STOX1: variants seen among roughly 807,000 people sequenced by gnomAD.
STOX1 encodes storkhead-box protein 1.
In STOX1, 57 loss-of-function variants were observed where a neutral mutation model predicts 74.8. That is an observed-to-expected ratio of 0.76 (90% confidence interval 0.62 to 0.95). The LOEUF is 0.95. STOX1 is among the 40% of genes least tolerant of loss of function. STOX1 has a pLI of 0.00. For missense variants in STOX1, 1,010 were observed against 1,117.0 expected, an observed-to-expected ratio of 0.90 and a Z score of 1.37; for synonymous variants, 375 against 401.3, an observed-to-expected ratio of 0.93 and a Z score of 0.78.
At chr10:68,846,535 A>G (rs1301617607) in intron 1 of STOX1, among the ~76,000 whole-genome samples, 1 of 152,176 alleles carries the variant, frequency 6.6e-6, no homozygotes, top group African/African-American at 2.4e-5. Flanking sequence ...TCCATTGGAT[A>G]ACCCTGGCTT....
chr10:68,892,344 G>A (rs1042786397), intron 3 of STOX1, among the ~76,000 whole-genome samples: 5 of 151,746 alleles, frequency 3.3e-5, no homozygotes. Flanking sequence ...TACTAGATCT[G>A]AGAAGAGATG....
chr10:68,831,820 CAG>C (rs920058122), intron 1 of STOX1, among the ~76,000 whole-genome samples: 10 of 152,158 alleles, frequency 6.6e-5, no homozygotes, highest in African/African-American at 2.4e-4. Context: ...AGTTCCCAGG[CAG>C]AGAGTATTTC....
chr10:68,853,033 C>T (rs1840028595), intron 1 of STOX1, among the ~76,000 whole-genome samples: 1 of 151,890 alleles, frequency 6.6e-6, no homozygotes. Flanking sequence ...AGCGATTCTC[C>T]TGCCTCAGCC....
At chr10:68,856,379 G>C (rs558776772) in intron 1 of STOX1, among the ~76,000 whole-genome samples, 1 of 151,426 alleles carries the variant, frequency 6.6e-6, no homozygotes, top group Non-Finnish European at 1.5e-5. Flanking sequence ...TGGCGTATGA[G>C]AGCTCTCCTT....
intron 1 of STOX1, among the ~76,000 whole-genome samples, chr10:68,839,637 C>T (rs1014410836): frequency 6.6e-6 from 1 of 152,168 alleles, no homozygotes; most frequent in African/African-American, 2.4e-5. Context: ...CGCCTATAAT[C>T]CCAGCACTTT....
intron 3 of STOX1, among the ~76,000 whole-genome samples, chr10:68,890,049 T>A (rs1841061594): frequency 6.6e-6 from 1 of 151,720 alleles, no homozygotes; most frequent in African/African-American, 2.4e-5. Flanking sequence ...TTGGCCTCCC[T>A]GGTCTCAAGT....
At position 68,886,238 on chromosome 10, in the gene STOX1, A is replaced by G; in HGVS notation, c.2442A>G (p.Glu814=). 2 of 1,614,230 alleles carry G rather than the reference A, an allele frequency of 1.2e-6. No homozygotes were observed. The highest frequency in any genetic ancestry group is 1.1e-5 in the South Asian group (1 of 91,078). Residue 814 remains glutamate (E), a synonymous_variant, in exon 3 of 4, where the codon GAA becomes GAG. Coordinates refer to ENST00000298596, the MANE Select transcript of STOX1 (RefSeq NM_152709.5). The part of the protein sequence containing the change: ...GLHATPGESQ[E]PNLSAESCGL... ...ATGCTACCCCAGGTGAAAGCCAAGA[A>G]CCTAACCTCTCTGCTGAAAGTTGTG...
At chr10:68,872,398 T>G (rs1198703006) in intron 1 of STOX1, among the ~76,000 whole-genome samples, 1 of 143,844 alleles carries the variant, frequency 7.0e-6, no homozygotes, top group African/African-American at 2.7e-5. Flanking sequence ...CAGGCTGGAG[T>G]GCAATGGCAC....
intron 1 of STOX1, among the ~76,000 whole-genome samples, chr10:68,840,653 C>T (rs958612830): frequency 6.6e-6 from 1 of 151,804 alleles, no homozygotes; most frequent in African/African-American, 2.4e-5. Context: ...CTCCACCATC[C>T]TGCTTCAAGC....
intron 1 of STOX1, among the ~76,000 whole-genome samples, chr10:68,864,393 C>T (rs1840350783): frequency 6.6e-6 from 1 of 152,088 alleles, no homozygotes; most frequent in African/African-American, 2.4e-5. Flanking sequence ...AAAATTGAAA[C>T]AGTTTTGTGT....
At chr10:68,878,833 A>C (rs1225477978) in intron 1 of STOX1, among the ~76,000 whole-genome samples, 1 of 152,344 alleles carries the variant, frequency 6.6e-6, no homozygotes, top group South Asian at 2.1e-4. Flanking sequence ...ACTGCAGAGC[A>C]TAATCAAGCT....
intron 1 of STOX1, among the ~76,000 whole-genome samples, chr10:68,858,510 A>G (rs1564577472): frequency 6.6e-6 from 1 of 152,160 alleles, no homozygotes; most frequent in African/African-American, 2.4e-5. Flanking sequence ...CTTCTTAGTA[A>G]AACTACATTT....
At chr10:68,887,484 G>A (rs1204947684) in intron 3 of STOX1, among the ~76,000 whole-genome samples, 1 of 151,792 alleles carries the variant, frequency 6.6e-6, no homozygotes, top group Non-Finnish European at 1.5e-5. Flanking sequence ...TTTTCTCCAT[G>A]TTGGTCAGGC....
In STOX1 at chr10:68,886,271, T is replaced by C. The variant is rs1840953203; in HGVS notation, c.2475T>C (p.Asn825=). 6.2e-7 allele frequency: 1 copy of C among 1,614,072 alleles called. No individual in the cohort carries two copies. The change falls in exon 3 of 4, where the codon AAT becomes AAC. Residue 825 remains asparagine, a synonymous_variant. Coordinates refer to ENST00000298596, the MANE Select transcript of STOX1 (RefSeq NM_152709.5). ...TCTCTGCTGAAAGTTGTGGCCTAAA[T>C]TCAGGGGCCCAGTTTGGTTTTAACT... ...PNLSAESCGL[N]SGAQFGFNYE... is the part of the protein sequence containing the mutation.
At chr10:68,871,881 G>A (rs936856150) in intron 1 of STOX1, among the ~76,000 whole-genome samples, 2 of 152,172 alleles carry the variant, frequency 1.3e-5, no homozygotes, top group South Asian at 2.1e-4. Context: ...TGTTACAAAT[G>A]CTTCAATTTT....
At chr10:68,843,997 G>A (rs1242091329) in intron 1 of STOX1, among the ~76,000 whole-genome samples, 6 of 151,950 alleles carry the variant, frequency 3.9e-5, no homozygotes, top group Admixed American at 2.6e-4. Context: ...TGGCTAACAC[G>A]GTGAAGCCCT....
chr10:68,868,454 G>T (rs1840461203), intron 1 of STOX1, among the ~76,000 whole-genome samples: 1 of 152,172 alleles, frequency 6.6e-6, no homozygotes, highest in African/African-American at 2.4e-5. Flanking sequence ...TTCCACCCTG[G>T]GTGGGCCAGG....
At chr10:68,845,244 A>G (rs1839808738) in intron 1 of STOX1, among the ~76,000 whole-genome samples, 1 of 149,912 alleles carries the variant, frequency 6.7e-6, no homozygotes, top group Admixed American at 6.7e-5. Context: ...AGCTGGGACT[A>G]CAGTTGCGCA....
intron 1 of STOX1, among the ~76,000 whole-genome samples, chr10:68,858,672 C>T (rs375591560): frequency 1.6e-4 from 24 of 152,038 alleles, no homozygotes; most frequent in South Asian, 1.2e-3. Flanking sequence ...GGGACACGAG[C>T]GGTTCAGAGG....
Sources: gnomAD v4.1 joint callset for allele counts (sites outside exome capture counted in the v4.1 genomes callset) on GRCh38, gnomAD v4.1.1 for gene constraint, MANE v1.5 for transcripts, NCBI Gene and HGNC (gene_info 2026-07-23, HGNC 2026-07-21) for gene names.